The following ATAD1 variants were observed in gnomAD, a reference collection of about 807,000 sequenced individuals.
ATAD1 encodes the protein ATPase family AAA domain containing 1.
Under a neutral mutation model 42.7 loss-of-function variants are expected in ATAD1, and 18 were observed. That is an observed-to-expected ratio of 0.42 (90% CI 0.29 to 0.63). The LOEUF is 0.63. ATAD1 is among the 20% of genes least tolerant of loss of function. ATAD1 has a pLI of 0.19. For synonymous variants in ATAD1, 132 were observed against 143.1 expected (o/e 0.92, Z 0.55); for missense variants, 294 against 440.4 (o/e 0.67, Z 2.98).
intron 8 of ATAD1, among the ~76,000 whole-genome samples, chr10:87,764,836 G>C (rs867660445): frequency 3.6e-4 from 54 of 152,106 alleles, no homozygotes; most frequent in African/African-American, 1.2e-3. Context: ...GGGTGTGTGG[G>C]GGGGAAGCAA....
At chr10:87,766,478 T>C (rs1466869531) in intron 8 of ATAD1, among the ~76,000 whole-genome samples, 1 of 152,032 alleles carries the variant, frequency 6.6e-6, no homozygotes, top group Non-Finnish European at 1.5e-5. Flanking sequence ...ATCTCAACGA[T>C]ACGTAAAAAA....
chr10:87,795,266 C>G (rs1296936604), intron 2 of ATAD1, among the ~76,000 whole-genome samples: 2 of 152,088 alleles, frequency 1.3e-5, no homozygotes, highest in African/African-American at 4.8e-5. Context: ...CCAAAAAACA[C>G]ACCAAAACTG....
At chr10:87,759,097 TCTTTC>T (rs1854361777) in intron 8 of ATAD1, among the ~76,000 whole-genome samples, 2 of 152,210 alleles carry the variant, frequency 1.3e-5, no homozygotes, top group Admixed American at 1.3e-4. Flanking sequence ...TTCTCTATTC[TCTTTC>T]CTTTGTAGTT....
chr10:87,809,884 G>A (rs1015732887), intron 2 of ATAD1, among the ~76,000 whole-genome samples: 2 of 151,998 alleles, frequency 1.3e-5, no homozygotes, highest in Non-Finnish European at 1.5e-5. Context: ...GACCTCAGGT[G>A]ATCTACCTGC....
intron 4 of ATAD1, among the ~76,000 whole-genome samples, chr10:87,784,953 C>G (rs1340380758): frequency 6.6e-6 from 1 of 152,184 alleles, no homozygotes; most frequent in Non-Finnish European, 1.5e-5. Context: ...ATTCATACCA[C>G]TTTATCAACA....
Position 87,751,672 on chromosome 10 carries a change from A to G in ATAD1, c.*3015T>C, listed in dbSNP as rs1854028526. On this transcript the variant is annotated 3_prime_UTR_variant, in exon 10 of 10. Coordinates refer to ENST00000680024, the MANE Select transcript of ATAD1 (RefSeq NM_001321967.2). ...CTCTATCTTTGATAACTAAATCTAT[A>G]ACAAATTTAATAATGAAGGCTCTGA... 1 of 152,198 alleles carries G rather than the reference A, an allele frequency of 6.6e-6. No individual in the cohort carries two copies. Among genetic ancestry groups the G allele is most frequent in the Admixed American group, 6.6e-5 (1 of 15,266 alleles). 9.4% of individuals were successfully genotyped at this position (152,198 alleles called of 1,614,324 possible).
At chr10:87,820,347 C>T (rs543592942), upstream of ATAD1, among the ~76,000 whole-genome samples, 26 of 152,268 alleles carry the variant, frequency 1.7e-4, no homozygotes, top group Non-Finnish European at 2.9e-4. Flanking sequence ...GATTTTCATT[C>T]ATTTACTGAG....
At chr10:87,840,389 G>A (rs1858010136) in intron 1 of ATAD1, among the ~76,000 whole-genome samples, 1 of 152,302 alleles carries the variant, frequency 6.6e-6, no homozygotes, top group East Asian at 1.9e-4. Context: ...GAAGGCTGAG[G>A]TGGGAGGATC....
chr10:87,788,194 T>C (rs1855928597), intron 4 of ATAD1, among the ~76,000 whole-genome samples: 1 of 152,242 alleles, frequency 6.6e-6, no homozygotes, highest in Non-Finnish European at 1.5e-5. Context: ...GCATGGATAC[T>C]GCAGTCACTC....
chr10:87,824,335 G>T (rs1857686700), intron 1 of ATAD1, among the ~76,000 whole-genome samples: 1 of 152,180 alleles, frequency 6.6e-6, no homozygotes, highest in African/African-American at 2.4e-5. Flanking sequence ...GTGTCCATTA[G>T]AAACTAGTCC....
intron 2 of ATAD1, 100 bp downstream of exon 2, chr10:87,814,338 A>G: frequency 8.9e-7 from 1 of 1,124,670 alleles, no homozygotes; most frequent in East Asian, 2.5e-5. Context: ...TGGGTCTTAT[A>G]GAATTTCTCA....
intron 1 of ATAD1, among the ~76,000 whole-genome samples, chr10:87,836,980 C>A (rs774399045): frequency 2.6e-5 from 4 of 152,014 alleles, no homozygotes; most frequent in African/African-American, 9.7e-5. Context: ...ACAATTAGTT[C>A]TTTATTTTTG....
chr10:87,793,220 G>C lies in ATAD1; in HGVS notation c.163-465C>G, dbSNP rs117726160. On this transcript the variant is annotated intron_variant, in intron 2 of 9. Transcript: ENST00000680024. ...TCCAACTTCCTTCAAATTAATCCAGGTATCTACAATAGATGGCCACACATA... is the reference window on the plus strand; with the variant it reads ...TCCAACTTCCTTCAAATTAATCCAGCTATCTACAATAGATGGCCACACATA... Among the ~76,000 whole-genome samples the C allele has an allele frequency of 2.5e-3, 384 of 152,208 alleles. 13 individuals are homozygous for C. The East Asian group carries it at 0.062, about 25-fold the overall frequency.
At chr10:87,794,311 T>C (rs1366723797) in intron 2 of ATAD1, among the ~76,000 whole-genome samples, 4 of 152,284 alleles carry the variant, frequency 2.6e-5, no homozygotes, top group African/African-American at 4.8e-5. Context: ...ACTGAATCAA[T>C]AGATAATCTT....
At chr10:87,815,496 T>G (rs1564783419) in intron 1 of ATAD1, among the ~76,000 whole-genome samples, 1 of 152,046 alleles carries the variant, frequency 6.6e-6, no homozygotes, top group Non-Finnish European at 1.5e-5. Flanking sequence ...GTGTGCTGAA[T>G]GCTATGGGAT....
intron 2 of ATAD1, among the ~76,000 whole-genome samples, chr10:87,811,600 T>C (rs1187904929): frequency 6.6e-6 from 1 of 152,198 alleles, no homozygotes. Flanking sequence ...GACAATTACA[T>C]TAGAATTTCT....
intron 6 of ATAD1, 114 bp downstream of exon 6, chr10:87,776,207 G>T: frequency 2.8e-6 from 2 of 726,258 alleles, no homozygotes; most frequent in Non-Finnish European, 4.8e-6. Context: ...TTAGTCATAA[G>T]TGTAAATAAT....
At chr10:87,818,786 A>G (rs1339317595), upstream of ATAD1, 1 of 152,162 alleles carries the variant, frequency 6.6e-6, no homozygotes, top group Non-Finnish European at 1.5e-5. Context: ...TCTTTCCGCG[A>G]AAAGATTTAG....
chr10:87,788,199 T>C (rs1041762768), intron 4 of ATAD1, among the ~76,000 whole-genome samples: 16 of 152,230 alleles, frequency 1.1e-4, no homozygotes, highest in African/African-American at 3.6e-4. Context: ...GATACTGCAG[T>C]CACTCTCCAA....
Sources: allele counts gnomAD v4.1 joint callset (sites outside exome capture counted in the v4.1 genomes callset), GRCh38; gene constraint gnomAD v4.1.1; transcripts MANE v1.5; gene names NCBI Gene and HGNC (gene_info 2026-07-23, HGNC 2026-07-21).